Variants in CUEDC1 observed in about 807,000 individuals in gnomAD.
CUEDC1 encodes CUE domain containing 1.
A neutral mutation model predicts 43.7 loss-of-function variants in CUEDC1; 30 were observed. The ratio of observed to expected loss-of-function variants is 0.69; its 90% CI spans 0.51 to 0.93. The LOEUF (loss-of-function observed/expected upper bound fraction) is 0.93. CUEDC1 is among the 40% of genes least tolerant of loss of function. The probability of loss-of-function intolerance (pLI) is 0.00; values close to 1 mark genes in which losing one functional copy is unlikely to be tolerated. For missense variants in CUEDC1, 486 were observed against 549.0 expected, an observed-to-expected ratio of 0.89 and a Z score of 1.15; for synonymous variants, 223 against 223.6, an observed-to-expected ratio of 1.00 and a Z score of 0.02.
intron 1 of CUEDC1, among the ~76,000 whole-genome samples, chr17:57,934,560 A>T (rs111412953): frequency 5.1e-5 from 2 of 39,358 alleles, no homozygotes; most frequent in Non-Finnish European, 4.8e-5. Context: ...CTGTCTCTCT[A>T]AAAAAAAAAA....
intron 1 of CUEDC1, among the ~76,000 whole-genome samples, chr17:57,927,017 G>A (rs145621598): frequency 8.5e-5 from 13 of 152,316 alleles, no homozygotes; most frequent in Admixed American, 7.2e-4. Flanking sequence ...AAAGGGAGGC[G>A]CAGCTGGGGG....
At chr17:57,882,906 G>A (rs73992364) in intron 2 of CUEDC1, among the ~76,000 whole-genome samples, 3,221 of 152,210 alleles carry the variant, frequency 0.021, 101 homozygotes, top group African/African-American at 0.072. Flanking sequence ...TGAGGTCAAC[G>A]ATAGGCTATT....
At chr17:57,950,994 T>A (rs1598031107) in intron 1 of CUEDC1, among the ~76,000 whole-genome samples, 1 of 152,146 alleles carries the variant, frequency 6.6e-6, no homozygotes, top group East Asian at 1.9e-4. Flanking sequence ...CTACAGATGC[T>A]GAGTCATTCT....
At chr17:57,902,492 C>A (rs1008800689) in intron 1 of CUEDC1, among the ~76,000 whole-genome samples, 1 of 152,318 alleles carries the variant, frequency 6.6e-6, no homozygotes, top group South Asian at 2.1e-4. Flanking sequence ...TTCATGCTAC[C>A]TTTGTGTATG....
rs1349916455 is a variant in CUEDC1 at position 57,949,545 on chromosome 17, T to G, written c.-316+5680A>C. ...CCACCACGACCACCCCCGAGCTCAG[T>G]AGGGGTGTCTCTGACATACTTTTTT... is the stretch of plus-strand genomic sequence containing the variant. On this transcript the variant is annotated intron_variant, in intron 1 of 10. Transcript: ENST00000577830. Among the ~76,000 whole-genome samples the G allele has an allele frequency of 3.2e-5, 4 of 124,830 alleles. No homozygotes were observed. The East Asian group carries it at 1.1e-3, about 33-fold the overall frequency. 81.9% of individuals were successfully genotyped at this position (124,830 alleles called of 152,430 possible).
intron 1 of CUEDC1, chr17:57,903,029 TGA>T (rs2074490390): frequency 6.6e-6 from 1 of 152,206 alleles, no homozygotes; most frequent in Non-Finnish European, 1.5e-5. Flanking sequence ...AGAGGGAAAC[TGA>T]GTCTTCCAGG....
At chr17:57,896,961 G>A (rs1406302078) in intron 1 of CUEDC1, among the ~76,000 whole-genome samples, 1 of 151,632 alleles carries the variant, frequency 6.6e-6, no homozygotes, top group Non-Finnish European at 1.5e-5. Context: ...AGTAAAGATG[G>A]GGTTTCACCA....
rs555949238 is a variant in CUEDC1, at chr17:57,865,606, A to G, written c.*3+868T>C. Among the ~76,000 whole-genome samples, 15 of 152,214 alleles carry G rather than the reference A, an allele frequency of 9.9e-5. No homozygotes were observed. The East Asian group carries it at 2.9e-3, about 29-fold the overall frequency. ...GACAGCTGTCTTGGCCAACTCCTGG[A>G]GGAGGCCTTGGTATTTTCTTTTTCT... On this transcript the variant is annotated intron_variant, in intron 10 of 10. Coordinates refer to ENST00000577830, the MANE Select transcript of CUEDC1 (RefSeq NM_001271875.2).
intron 1 of CUEDC1, among the ~76,000 whole-genome samples, chr17:57,919,705 T>C (rs372772960): frequency 1.3e-5 from 2 of 152,206 alleles, no homozygotes; most frequent in East Asian, 3.8e-4. Context: ...GTAACTTTAT[T>C]TCTGCTACTT....
chr17:57,902,939 C>G (rs1288407455), intron 1 of CUEDC1: 1 of 152,204 alleles, frequency 6.6e-6, no homozygotes, highest in Non-Finnish European at 1.5e-5. Flanking sequence ...AGGATTCTAC[C>G]CCAGAGCCCA....
At chr17:57,884,488 G>C (rs1399403430) in intron 2 of CUEDC1, among the ~76,000 whole-genome samples, 1 of 151,524 alleles carries the variant, frequency 6.6e-6, no homozygotes, top group Non-Finnish European at 1.5e-5. Context: ...GAGCCACCTC[G>C]CCCGGCCCCA....
At chr17:57,888,838 C>T (rs2074325955) in intron 1 of CUEDC1, among the ~76,000 whole-genome samples, 1 of 152,230 alleles carries the variant, frequency 6.6e-6, no homozygotes, top group African/African-American at 2.4e-5. Context: ...ATCTCTCTGC[C>T]CCTCCAGTAA....
In CUEDC1 at chr17:57,871,270, C is replaced by T. The variant is rs767518061; in HGVS notation, c.868+16G>A. The stretch of plus-strand genomic sequence containing the variant: ...CACTATGCCTCTAGGTTTTCTTCCC[C>T]AGAAGGCAAAGTTACCTGGGACAGG... On this transcript the variant is annotated intron_variant, in intron 6 of 10. Transcript: ENST00000577830. The T allele has an allele frequency of 6.8e-6, 11 of 1,606,820 alleles. No homozygotes were observed. The Admixed American group carries it at 1.8e-4, about 27-fold the overall frequency.
At chr17:57,904,460 G>C (rs537698599) in intron 1 of CUEDC1, among the ~76,000 whole-genome samples, 2 of 152,248 alleles carry the variant, frequency 1.3e-5, no homozygotes, top group South Asian at 4.1e-4. Context: ...GAGGAAAAAA[G>C]TCAATCAACG....
intron 2 of CUEDC1, among the ~76,000 whole-genome samples, chr17:57,882,455 C>A (rs2074223096): frequency 1.3e-5 from 2 of 152,074 alleles, no homozygotes; most frequent in African/African-American, 2.4e-5. Flanking sequence ...ACTGTGGGGG[C>A]CATGGACAAA....
At chr17:57,873,513 G>A (rs886987352) in intron 4 of CUEDC1, 78 bp downstream of exon 4, 7 of 1,443,708 alleles carry the variant, frequency 4.8e-6, no homozygotes, top group Non-Finnish European at 9.2e-7. Context: ...AAGTAAAACT[G>A]GCTGGCACAA....
chr17:57,940,585 T>C (rs962270981), intron 1 of CUEDC1, among the ~76,000 whole-genome samples: 2 of 152,030 alleles, frequency 1.3e-5, no homozygotes, highest in East Asian at 1.9e-4. Flanking sequence ...AAAATAAACC[T>C]AGATGGTGTC....
intron 1 of CUEDC1, among the ~76,000 whole-genome samples, chr17:57,924,839 T>C (rs371040071): frequency 1.3e-5 from 2 of 152,178 alleles, no homozygotes; most frequent in African/African-American, 4.8e-5. Flanking sequence ...CAACTCTGGA[T>C]TAATATTACA....
At chr17:57,907,839 CAAAAAA>C (rs869267040) in intron 1 of CUEDC1, among the ~76,000 whole-genome samples, 1 of 83,862 alleles carries the variant, frequency 1.2e-5, no homozygotes, top group Non-Finnish European at 2.5e-5. Context: ...GAGTGAGACT[CAAAAAA>C]AAAAAAAAAA....
Sources: gnomAD v4.1 joint callset for allele counts (sites outside exome capture counted in the v4.1 genomes callset) on GRCh38, gnomAD v4.1.1 for gene constraint, MANE v1.5 for transcripts, NCBI Gene and HGNC (gene_info 2026-07-23, HGNC 2026-07-21) for gene names.